The following PTPRO variants were observed in gnomAD, a reference collection of about 807,000 sequenced individuals.
PTPRO encodes protein tyrosine phosphatase receptor type O, also known as receptor-type tyrosine-protein phosphatase O.
Under a neutral mutation model 145.2 loss-of-function variants are expected in PTPRO, and 62 were observed. That is an observed-to-expected ratio of 0.43 (90% CI 0.35 to 0.53). PTPRO has a LOEUF of 0.53. Among genes scored for constraint, PTPRO ranks in the 20% least tolerant of loss-of-function variants. The probability of loss-of-function intolerance (pLI) is 0.01; values close to 1 mark genes in which losing one functional copy is unlikely to be tolerated. For missense variants in PTPRO, 1,345 were observed against 1,482.7 expected (o/e 0.91, Z 1.53); for synonymous variants, 565 against 514.7 (o/e 1.10, Z -1.32).
intron 1 of PTPRO, among the ~76,000 whole-genome samples, chr12:15,395,809 T>TCACACA (rs34553766): frequency 5.4e-4 from 80 of 147,986 alleles, no homozygotes; most frequent in East Asian, 5.4e-3. Context: ...CAATTAAAGA[T>TCACACA]CACACACACA....
intron 1 of PTPRO, among the ~76,000 whole-genome samples, chr12:15,474,290 C>T (rs927131507): frequency 1.3e-5 from 2 of 152,130 alleles, no homozygotes; most frequent in African/African-American, 2.4e-5. Flanking sequence ...CCCAGGAACT[C>T]GTCCTGTGTT....
chr12:15,594,072 T>C (rs1435588960), intron 25 of PTPRO, among the ~76,000 whole-genome samples: 2 of 152,166 alleles, frequency 1.3e-5, no homozygotes, highest in Non-Finnish European at 2.9e-5. Flanking sequence ...TTGAATGACT[T>C]TATCACAAAA....
chr12:15,378,346 A>G (rs958269121), intron 1 of PTPRO, among the ~76,000 whole-genome samples: 6 of 152,020 alleles, frequency 3.9e-5, no homozygotes, highest in African/African-American at 1.4e-4. Context: ...ATAAGAAAAT[A>G]CACTATTATA....
chr12:15,451,087 G>C (rs1053096275), intron 1 of PTPRO, among the ~76,000 whole-genome samples: 1 of 152,006 alleles, frequency 6.6e-6, no homozygotes, highest in African/African-American at 2.4e-5. Flanking sequence ...GCCTTCAAGA[G>C]ACTCACCTAA....
intron 1 of PTPRO, among the ~76,000 whole-genome samples, chr12:15,469,762 T>C (rs1941496749): frequency 1.1e-5 from 1 of 91,926 alleles, no homozygotes; most frequent in East Asian, 3.2e-4. Flanking sequence ...GGCGTTAGTG[T>C]CCTGACAAAA....
intron 1 of PTPRO, among the ~76,000 whole-genome samples, chr12:15,426,875 C>T (rs1275772978): frequency 6.6e-6 from 1 of 151,926 alleles, no homozygotes; most frequent in Admixed American, 6.6e-5. Context: ...ATCTGATAAT[C>T]CTAATGGGGT....
chr12:15,388,116 A>AT (rs529720359), intron 1 of PTPRO, among the ~76,000 whole-genome samples: 1 of 152,076 alleles, frequency 6.6e-6, no homozygotes, highest in African/African-American at 2.4e-5. Context: ...AAGATAGTGG[A>AT]TTTTTTTTCC....
intron 1 of PTPRO, among the ~76,000 whole-genome samples, chr12:15,451,979 A>T (rs1293148618): frequency 6.6e-6 from 1 of 152,172 alleles, no homozygotes; most frequent in Admixed American, 6.5e-5. Context: ...AGCAGAAGAA[A>T]GGAAATAACT....
rs950420505 is a variant in PTPRO, at chr12:15,454,064, C to A, written c.76-29910C>A. ...GAGAGTGCAAATATTTCTTCAAGAT[C>A]CTGATTTCAATAATTTTGGATAAAT... On this transcript the variant is annotated intron_variant, in intron 1 of 26. Transcript: ENST00000281171. 2.0e-5 allele frequency among the ~76,000 whole-genome samples: 3 copies of A among 152,186 alleles called. No individual in the cohort carries two copies. The East Asian group carries it at 5.8e-4, about 29-fold the overall frequency.
chr12:15,455,753 T>C (rs1460842076), intron 1 of PTPRO, among the ~76,000 whole-genome samples: 4 of 152,198 alleles, frequency 2.6e-5, no homozygotes. Context: ...ACAGTGTTTT[T>C]TGGTGGAAAC....
chr12:15,594,614 T>C (rs1944620178), intron 25 of PTPRO, among the ~76,000 whole-genome samples: 1 of 151,966 alleles, frequency 6.6e-6, no homozygotes, highest in Non-Finnish European at 1.5e-5. Flanking sequence ...TTGATTGTGG[T>C]AATCATTTCA....
intron 12 of PTPRO, among the ~76,000 whole-genome samples, chr12:15,545,682 A>T (rs1168901699): frequency 1.3e-5 from 2 of 152,042 alleles, no homozygotes; most frequent in East Asian, 1.9e-4. Context: ...TAAGATAAAA[A>T]ATTTATCTAA....
chr12:15,485,059 G>A (rs1258375533), intron 2 of PTPRO, among the ~76,000 whole-genome samples: 1 of 152,058 alleles, frequency 6.6e-6, no homozygotes, highest in African/African-American at 2.4e-5. Context: ...TGCAACAGCT[G>A]CAATTTGTTA....
chr12:15,586,219 G>C (rs1229366004), intron 23 of PTPRO, among the ~76,000 whole-genome samples: 1 of 152,202 alleles, frequency 6.6e-6, no homozygotes, highest in Non-Finnish European at 1.5e-5. Context: ...TGCATTCTTA[G>C]GGAAAGCCCA....
At chr12:15,581,890 T>A in intron 23 of PTPRO, 89 bp downstream of exon 23, 1 of 1,528,986 alleles carries the variant, frequency 6.5e-7, no homozygotes, top group Non-Finnish European at 9.0e-7. Context: ...CCAGCGGCGC[T>A]AGAGGAATTA....
chr12:15,466,105 G>C lies in PTPRO; in HGVS notation c.76-17869G>C, dbSNP rs534185128. Among the ~76,000 whole-genome samples the C allele has an allele frequency of 2.6e-5, 4 of 152,252 alleles. No individual in the cohort carries two copies. In the South Asian group the frequency reaches 8.3e-4, roughly 32 times the overall value. The stretch of plus-strand genomic sequence containing the variant: ...GAGTCTCAGGCTATATAATTTGCCT[G>C]TGTACAACAATCTAACAAGCTGATT... On this transcript the variant is annotated intron_variant, in intron 1 of 26. Transcript: ENST00000281171.
chr12:15,527,844 C>T (rs377691478), intron 12 of PTPRO, among the ~76,000 whole-genome samples: 3 of 152,208 alleles, frequency 2.0e-5, no homozygotes, highest in Admixed American at 6.5e-5. Context: ...GTTCTATGCC[C>T]ATAAGAAACA....
chr12:15,550,476 G>C (rs1456927861), intron 14 of PTPRO, among the ~76,000 whole-genome samples: 1 of 152,136 alleles, frequency 6.6e-6, no homozygotes, highest in African/African-American at 2.4e-5. Flanking sequence ...AGGGTCAACT[G>C]TACCTTAATG....
In PTPRO at chr12:15,515,987, G is replaced by GTTTTTTT. The variant is rs1387922121; in HGVS notation, c.1585+373_1585+374insTTTTTTT. Among the ~76,000 whole-genome samples, 14 of 80,658 alleles carry GTTTTTTT rather than the reference G, an allele frequency of 1.7e-4. 2 individuals are homozygous for GTTTTTTT. The highest frequency in any genetic ancestry group is 2.1e-4 in the Non-Finnish European group (9 of 42,436). The allele number at this position is 80,658 out of a possible 152,430, so 52.9% of individuals were successfully genotyped here. On this transcript the variant is annotated intron_variant, in intron 8 of 26. Coordinates refer to ENST00000281171, the MANE Select transcript of PTPRO (RefSeq NM_030667.3). Reference sequence around the variant, plus strand: ...GTTTTGTTTGTCTGGTTTTTTTTTTGTTTTGTTTTTTTTTTTTTTTGGAGA... The same window carrying GTTTTTTT: ...GTTTTGTTTGTCTGGTTTTTTTTTTGTTTTTTTTTTTGTTTTTTTTTTTTTTTGGAGA...
Sources: allele counts gnomAD v4.1 joint callset (sites outside exome capture counted in the v4.1 genomes callset), GRCh38; gene constraint gnomAD v4.1.1; transcripts MANE v1.5; gene names NCBI Gene and HGNC (gene_info 2026-07-23, HGNC 2026-07-21).